The following FAM13A variants were observed in gnomAD, a reference collection of about 807,000 sequenced individuals.
FAM13A encodes the protein protein FAM13A.
Under a neutral mutation model 129.6 loss-of-function variants are expected in FAM13A, and 76 were observed. The ratio of observed to expected loss-of-function variants is 0.59; its 90% CI spans 0.49 to 0.71. FAM13A has a LOEUF of 0.71. Among genes scored for constraint, FAM13A ranks in the 30% least tolerant of loss-of-function variants. The pLI, the probability that FAM13A is intolerant of heterozygous loss-of-function variation, is 0.00. For missense variants in FAM13A, 1,108 were observed against 1,249.3 expected, an observed-to-expected ratio of 0.89 and a Z score of 1.70; for synonymous variants, 443 against 449.9, an observed-to-expected ratio of 0.98 and a Z score of 0.20.
intron 13 of FAM13A, among the ~76,000 whole-genome samples, chr4:88,764,080 T>G (rs540987698): frequency 6.6e-6 from 1 of 152,232 alleles, no homozygotes; most frequent in Non-Finnish European, 1.5e-5. Context: ...GCACTTAATA[T>G]CTTGTGATAA....
intron 1 of FAM13A, among the ~76,000 whole-genome samples, chr4:89,052,407 C>G (rs1469566977): frequency 6.7e-6 from 1 of 150,306 alleles, no homozygotes; most frequent in Non-Finnish European, 1.5e-5. Flanking sequence ...GTGCTGCACC[C>G]ATTAACTCAT....
chr4:88,987,629 C>G (rs1046875020), intron 4 of FAM13A, among the ~76,000 whole-genome samples: 1 of 151,516 alleles, frequency 6.6e-6, no homozygotes, highest in African/African-American at 2.4e-5. Flanking sequence ...CCGAGGCGGG[C>G]GGATCACGAG....
intron 5 of FAM13A, among the ~76,000 whole-genome samples, chr4:88,908,896 G>C (rs927876361): frequency 6.6e-6 from 1 of 152,116 alleles, no homozygotes; most frequent in Non-Finnish European, 1.5e-5. Flanking sequence ...AGAGCCACAG[G>C]ACACAGGTAA....
intron 4 of FAM13A, among the ~76,000 whole-genome samples, chr4:88,979,780 G>A (rs1309652296): frequency 6.6e-6 from 1 of 152,124 alleles, no homozygotes; most frequent in Non-Finnish European, 1.5e-5. Context: ...AGACCAGCCT[G>A]ACCAACATGG....
chr4:89,032,786 G>A (rs2149136232), intron 1 of FAM13A, among the ~76,000 whole-genome samples: 1 of 152,326 alleles, frequency 6.6e-6, no homozygotes, highest in South Asian at 2.1e-4. Context: ...ACTGTGAACA[G>A]CTTTGATAAC....
At chr4:88,991,216 G>A in intron 3 of FAM13A, 66 bp from the exon 4 acceptor site, 1 of 1,176,270 alleles carries the variant, frequency 8.5e-7, no homozygotes, top group South Asian at 1.5e-5. Context: ...AAAGCCCATA[G>A]GTGTAATACA....
intron 6 of FAM13A, among the ~76,000 whole-genome samples, chr4:88,889,265 A>G (rs1744961740): frequency 6.6e-6 from 1 of 152,150 alleles, no homozygotes; most frequent in Non-Finnish European, 1.5e-5. Flanking sequence ...GAGTGTGGTT[A>G]TGCTGTCTGA....
chr4:88,934,183 G>A (rs1463573574), intron 5 of FAM13A, among the ~76,000 whole-genome samples: 4 of 152,054 alleles, frequency 2.6e-5, no homozygotes, highest in Non-Finnish European at 4.4e-5. Flanking sequence ...ATTTAAATAA[G>A]CAAAGGCCAA....
chr4:88,777,761 G>A (rs1722058309), intron 11 of FAM13A, among the ~76,000 whole-genome samples: 1 of 152,162 alleles, frequency 6.6e-6, no homozygotes, highest in Non-Finnish European at 1.5e-5. Flanking sequence ...ACTGTCTTCA[G>A]TTACTCTCCT....
chr4:88,834,012 C>G (rs1000973348), intron 7 of FAM13A, among the ~76,000 whole-genome samples: 3 of 151,652 alleles, frequency 2.0e-5, no homozygotes, highest in South Asian at 2.1e-4. Flanking sequence ...ACCTCAGGCT[C>G]CCAAGTAGCT....
intron 4 of FAM13A, among the ~76,000 whole-genome samples, chr4:88,952,618 T>C (rs1290781696): frequency 6.6e-6 from 1 of 152,196 alleles, no homozygotes; most frequent in Non-Finnish European, 1.5e-5. Flanking sequence ...ATTCTAAACC[T>C]TAGTCCACTG....
chr4:88,911,449 T>C (rs1749076030), intron 5 of FAM13A, among the ~76,000 whole-genome samples: 1 of 152,246 alleles, frequency 6.6e-6, no homozygotes, highest in Non-Finnish European at 1.5e-5. Flanking sequence ...CAAGATGATA[T>C]TTCTTGTCTT....
At chr4:88,789,531 G>C (rs966903452) in intron 9 of FAM13A, among the ~76,000 whole-genome samples, 1 of 152,082 alleles carries the variant, frequency 6.6e-6, no homozygotes, top group Non-Finnish European at 1.5e-5. Context: ...AGGTGTAATG[G>C]AAACATATGT....
At chr4:88,976,768 G>GT (rs958204552) in intron 4 of FAM13A, among the ~76,000 whole-genome samples, 1 of 152,086 alleles carries the variant, frequency 6.6e-6, no homozygotes, top group African/African-American at 2.4e-5. Context: ...TCCATTCAGG[G>GT]TAAGTGCCCT....
At chr4:88,920,815 C>A (rs539234079) in intron 5 of FAM13A, among the ~76,000 whole-genome samples, 1 of 152,038 alleles carries the variant, frequency 6.6e-6, no homozygotes. Flanking sequence ...AAAATTTAGA[C>A]GAATGTATAA....
intron 14 of FAM13A, among the ~76,000 whole-genome samples, chr4:88,754,266 G>T (rs557398520): frequency 3.3e-5 from 5 of 152,280 alleles, no homozygotes; most frequent in South Asian, 2.1e-4. Flanking sequence ...GCTTGCTACT[G>T]AAGTAATAAA....
At chr4:88,735,596 G>A (rs150601144) in intron 21 of FAM13A, among the ~76,000 whole-genome samples, 25 of 152,250 alleles carry the variant, frequency 1.6e-4, no homozygotes, top group Non-Finnish European at 8.8e-5. Flanking sequence ...CAGCTGGTTC[G>A]TTCCCAAAAG....
intron 4 of FAM13A, among the ~76,000 whole-genome samples, chr4:88,978,550 T>C (rs1761211197): frequency 6.6e-6 from 1 of 152,210 alleles, no homozygotes; most frequent in Non-Finnish European, 1.5e-5. Context: ...ATCCCAGCTC[T>C]TTGGGAGGCC....
intron 5 of FAM13A, among the ~76,000 whole-genome samples, chr4:88,923,526 T>C (rs1329151461): frequency 6.6e-6 from 1 of 152,190 alleles, no homozygotes; most frequent in Non-Finnish European, 1.5e-5. Flanking sequence ...AAACTCTCAA[T>C]AAGTTAGGTA....
Sources: gnomAD v4.1 joint callset for allele counts (sites outside exome capture counted in the v4.1 genomes callset) on GRCh38, gnomAD v4.1.1 for gene constraint, MANE v1.5 for transcripts, NCBI Gene and HGNC (gene_info 2026-07-23, HGNC 2026-07-21) for gene names.